Variants in CHN1 observed in about 807,000 individuals in gnomAD.
The protein encoded by CHN1 is N-chimaerin.
CHN1 carries 37 observed loss-of-function variants against 59.5 expected under a neutral mutation model. That is an observed-to-expected ratio of 0.62 (90% CI 0.48 to 0.82). The LOEUF is 0.82. Among genes scored for constraint, CHN1 ranks in the 40% least tolerant of loss-of-function variants. The pLI is 0.00. For missense variants in CHN1, 469 were observed against 571.0 expected (o/e 0.82, Z 1.82); for synonymous variants, 206 against 200.4 (o/e 1.03, Z -0.24).
chr2:174,842,286 T>C (rs1346029418), intron 7 of CHN1, among the ~76,000 whole-genome samples: 2 of 152,116 alleles, frequency 1.3e-5, no homozygotes, highest in African/African-American at 4.8e-5. Flanking sequence ...AAAGAGGTGA[T>C]AGACACTGTT....
intron 7 of CHN1, among the ~76,000 whole-genome samples, chr2:174,841,419 T>C (rs1047620215): frequency 4.6e-5 from 7 of 152,220 alleles, no homozygotes; most frequent in Non-Finnish European, 1.0e-4. Flanking sequence ...TGTACTATAA[T>C]AGGCAGCAAC....
At chr2:174,849,407 A>G (rs1435696602) in intron 6 of CHN1, among the ~76,000 whole-genome samples, 1 of 152,214 alleles carries the variant, frequency 6.6e-6, no homozygotes, top group Non-Finnish European at 1.5e-5. Flanking sequence ...AAGGAGATAG[A>G]AAACAACAGC....
chr2:174,830,199 C>T (rs1223851857), intron 7 of CHN1, among the ~76,000 whole-genome samples: 1 of 151,852 alleles, frequency 6.6e-6, no homozygotes, highest in Non-Finnish European at 1.5e-5. Context: ...TGCCACTGCA[C>T]TCCAGCCTGG....
At chr2:174,822,612 A>G (rs1305650973) in intron 8 of CHN1, among the ~76,000 whole-genome samples, 1 of 152,240 alleles carries the variant, frequency 6.6e-6, no homozygotes, top group Non-Finnish European at 1.5e-5. Context: ...ACTGTCTCAT[A>G]AAGGCAAACT....
At chr2:174,987,503 G>T (rs1691388419) in intron 1 of CHN1, among the ~76,000 whole-genome samples, 1 of 151,588 alleles carries the variant, frequency 6.6e-6, no homozygotes, top group Non-Finnish European at 1.5e-5. Context: ...CACCTCCCAG[G>T]TTCAAGTGAT....
At chr2:174,824,576 T>C (rs952171668) in intron 7 of CHN1, 58 bp from the exon 8 acceptor site, 2 of 1,019,370 alleles carry the variant, frequency 2.0e-6, no homozygotes, top group Admixed American at 4.1e-5. Flanking sequence ...ATGAGAAGAC[T>C]GCTTCATATC....
At chr2:174,951,824 T>C (rs1375696258) in intron 2 of CHN1, among the ~76,000 whole-genome samples, 2 of 152,158 alleles carry the variant, frequency 1.3e-5, no homozygotes, top group Non-Finnish European at 2.9e-5. Context: ...TTTCTTCACA[T>C]AAAGAATCAG....
intron 3 of CHN1, among the ~76,000 whole-genome samples, chr2:174,931,069 A>G (rs1212531581): frequency 6.6e-6 from 1 of 152,006 alleles, no homozygotes. Flanking sequence ...CGCCAGGCCT[A>G]TAGCTGAATT....
At chr2:174,808,693 G>GTTTA (rs1284043683) in intron 11 of CHN1, among the ~76,000 whole-genome samples, 2 of 152,270 alleles carry the variant, frequency 1.3e-5, no homozygotes, top group Non-Finnish European at 2.9e-5. Context: ...GGAAAATGAG[G>GTTTA]TTTAGCACAT....
intron 5 of CHN1, among the ~76,000 whole-genome samples, chr2:174,891,140 CAAAAAAAAAAAAAAAAAA>C (rs58016502): frequency 4.1e-5 from 1 of 24,426 alleles, no homozygotes; most frequent in Non-Finnish European, 8.9e-5. Flanking sequence ...GACTCCATCT[CAAAAAAAAAAAAAAAAAA>C]AAAAAAAGAA....
intron 8 of CHN1, among the ~76,000 whole-genome samples, chr2:174,817,074 G>T (rs528947943): frequency 6.6e-6 from 1 of 151,986 alleles, no homozygotes; most frequent in Non-Finnish European, 1.5e-5. Context: ...TTCCCACTGG[G>T]TCACACATAC....
At chr2:174,860,673 T>C (rs1687042791) in intron 6 of CHN1, among the ~76,000 whole-genome samples, 1 of 152,192 alleles carries the variant, frequency 6.6e-6, no homozygotes. Flanking sequence ...TAAATTGTAA[T>C]TGAGATAAGT....
intron 6 of CHN1, among the ~76,000 whole-genome samples, chr2:174,871,489 T>C (rs930245429): frequency 1.3e-5 from 2 of 152,188 alleles, no homozygotes; most frequent in Non-Finnish European, 2.9e-5. Flanking sequence ...ACTGTTCATA[T>C]AAAACTCAAG....
At chr2:174,857,435 C>A (rs1187393243) in intron 6 of CHN1, among the ~76,000 whole-genome samples, 1 of 151,978 alleles carries the variant, frequency 6.6e-6, no homozygotes, top group Non-Finnish European at 1.5e-5. Flanking sequence ...CTTATAAATT[C>A]TTGGAGGGTG....
In CHN1 at chr2:174,833,475, A is replaced by C. The variant is rs1036112358; in HGVS notation, c.628-8957T>G. ...AAGATGTCGCTCCACTGTCTTGCAT[A>C]ATTTCTGATGAGAATTTTGCTTTTT... On this transcript the variant is annotated intron_variant, in intron 7 of 12. Transcript: ENST00000409900. Among the ~76,000 whole-genome samples, 2 of 152,068 alleles carry C rather than the reference A, an allele frequency of 1.3e-5. 1 individual carries two copies. The highest frequency in any genetic ancestry group is 3.9e-4 in the East Asian group (2 of 5,174).
intron 5 of CHN1, among the ~76,000 whole-genome samples, chr2:174,895,825 C>T (rs1453961787): frequency 1.3e-5 from 2 of 152,072 alleles, no homozygotes; most frequent in African/African-American, 4.8e-5. Context: ...CCATTTTCTC[C>T]TCAGCTCAAC....
intron 10 of CHN1, among the ~76,000 whole-genome samples, chr2:174,810,329 G>A (rs924431816): frequency 1.3e-4 from 20 of 152,200 alleles, no homozygotes; most frequent in African/African-American, 4.6e-4. Context: ...CTGGCCCCCA[G>A]CAGTGTGGCT....
chr2:174,927,091 C>T lies in CHN1; in HGVS notation c.115-8526G>A, dbSNP rs180966367. Among the ~76,000 whole-genome samples, 19 of 152,142 alleles carry T rather than the reference C, an allele frequency of 1.2e-4. No individual in the cohort carries two copies. The East Asian group carries it at 3.7e-3, about 29-fold the overall frequency. On this transcript the variant is annotated intron_variant, in intron 3 of 12. Coordinates refer to ENST00000409900, the MANE Select transcript of CHN1 (RefSeq NM_001822.7). ...CCTTTTTCAAATTCCTTCCTCCTTCCCCAATATCTGCCCTTTACCCTTTAA... is the reference window on the plus strand; with the variant it reads ...CCTTTTTCAAATTCCTTCCTCCTTCTCCAATATCTGCCCTTTACCCTTTAA...
chr2:174,845,271 G>GATAA (rs1686469718), intron 7 of CHN1, among the ~76,000 whole-genome samples: 2 of 152,076 alleles, frequency 1.3e-5, no homozygotes, highest in South Asian at 4.1e-4. Flanking sequence ...CATCTTTGGA[G>GATAA]ATATATTTAA....
Sources: gnomAD v4.1 joint callset for allele counts (sites outside exome capture counted in the v4.1 genomes callset) on GRCh38, gnomAD v4.1.1 for gene constraint, MANE v1.5 for transcripts, NCBI Gene and HGNC (gene_info 2026-07-23, HGNC 2026-07-21) for gene names.